Variants in SP100 observed in about 807,000 individuals in gnomAD.
SP100 encodes the protein SP100 nuclear body protein, also known as nuclear autoantigen Sp-100.
In SP100, 84 loss-of-function variants were observed where a neutral mutation model predicts 130.0. That is an observed-to-expected ratio of 0.65 (90% CI 0.54 to 0.77). SP100 has a LOEUF of 0.77. Among genes scored for constraint, SP100 ranks in the 30% least tolerant of loss-of-function variants. SP100 has a pLI of 0.00. For synonymous variants in SP100, 331 were observed against 351.7 expected (o/e 0.94, Z 0.66); for missense variants, 978 against 1,052.2 (o/e 0.93, Z 0.97).
intron 24 of SP100, among the ~76,000 whole-genome samples, chr2:230,511,589 G>A (rs1690590431): frequency 6.6e-6 from 1 of 152,178 alleles, no homozygotes. Flanking sequence ...AGCTCAGTCA[G>A]CCAGAAGGAA....
Position 230,449,717 on chromosome 2 carries a change from C to T in SP100, c.736+7C>T, listed in dbSNP as rs376620482. 25 of 1,613,956 alleles carry T rather than the reference C, an allele frequency of 1.5e-5. No homozygotes were observed. In the Admixed American group the frequency reaches 2.7e-4, roughly 17 times the overall value. On this transcript the variant is annotated splice_region_variant and intron_variant, in intron 7 of 28. Transcript: ENST00000340126. ...CAAAAGGCTGAGCCAACAGGTAAGA[C>T]TGACTGGGTTGGCATGAATGGGGAG...
chr2:230,457,079 A>G (rs1304443065), intron 8 of SP100, among the ~76,000 whole-genome samples: 3 of 152,180 alleles, frequency 2.0e-5, no homozygotes, highest in African/African-American at 7.2e-5. Context: ...CTTTCACCCT[A>G]TTTAAAGATT....
At chr2:230,504,024 T>G (rs1436613785) in intron 20 of SP100, among the ~76,000 whole-genome samples, 162 bp from the exon 21 acceptor site, 1 of 152,114 alleles carries the variant, frequency 6.6e-6, no homozygotes, top group Non-Finnish European at 1.5e-5. Flanking sequence ...TCTACAGCTA[T>G]CTAATGTGCC....
At position 230,506,782 on chromosome 2, in the gene SP100, T is replaced by TACACACAC. The variant is rs57619257; in HGVS notation, c.2013+373_2013+380dup. ...ATTTTCGGGGGAGGTAAATGTTAAA[T>TACACACAC]ACACACACACACACACACACACACA... On this transcript the variant is annotated intron_variant, in intron 22 of 28. Coordinates refer to ENST00000340126, the MANE Select transcript of SP100 (RefSeq NM_001080391.2). 70 of 181,534 alleles carry TACACACAC rather than the reference T, an allele frequency of 3.9e-4. No individual in the cohort carries two copies. In the East Asian group the frequency reaches 7.5e-3, roughly 20 times the overall value. 11.2% of individuals were successfully genotyped at this position (181,534 alleles called of 1,614,324 possible).
In SP100 at chr2:230,462,493, C is replaced by T; in HGVS notation, c.1032C>T (p.Phe344=). ...ACGTTGATGAGCCCTTAGAAGTCTT[C>T]ATCTCAGCACCGAGAAGTGAGCCTG... is the stretch of plus-strand genomic sequence containing the variant. ...STDVDEPLEV[F]ISAPRSEPVI... Residue 344 remains phenylalanine, a synonymous_variant, in exon 10 of 29, where the codon TTC becomes TTT. Transcript: ENST00000340126. 1 of 1,613,716 alleles carries T rather than the reference C, an allele frequency of 6.2e-7. No homozygotes were observed. Among genetic ancestry groups the T allele is most frequent in the Non-Finnish European group, 8.5e-7 (1 of 1,179,710 alleles).
At chr2:230,450,136 C>G in intron 7 of SP100, 36 bp from the exon 8 acceptor site, 1 of 1,471,348 alleles carries the variant, frequency 6.8e-7, no homozygotes, top group Non-Finnish European at 9.5e-7. Flanking sequence ...GAGCAAGGCT[C>G]TACTGGATCT....
At chr2:230,467,092 T>G in intron 12 of SP100, 28 bp from the exon 13 acceptor site, 1 of 1,482,422 alleles carries the variant, frequency 6.7e-7, no homozygotes, top group Non-Finnish European at 9.4e-7. Context: ...CATTGAGAGC[T>G]CCAAAGGACA....
At chr2:230,438,003 T>C (rs1249251915) in intron 2 of SP100, among the ~76,000 whole-genome samples, 1 of 152,210 alleles carries the variant, frequency 6.6e-6, no homozygotes, top group African/African-American at 2.4e-5. Context: ...ATTTGTCTCA[T>C]GATTTGTTTC....
intron 16 of SP100, 53 bp downstream of exon 16, chr2:230,473,493 C>T (rs2065376863): frequency 9.2e-7 from 1 of 1,084,186 alleles, no homozygotes. Context: ...ATATCACAGA[C>T]ACTGGGTAGG....
rs370079567 is a variant in SP100, at chr2:230,482,256, C to T, written c.1600+7809C>T. Among the ~76,000 whole-genome samples the T allele has an allele frequency of 9.2e-5, 14 of 152,252 alleles. No homozygotes were observed. In the South Asian group the frequency reaches 2.9e-3, roughly 32 times the overall value. On this transcript the variant is annotated intron_variant, in intron 17 of 28. Coordinates refer to ENST00000340126, the MANE Select transcript of SP100 (RefSeq NM_001080391.2). ...ATACTTTTCTTACTTTATTGAACAT[C>T]TTGACCAATAAAGTCAGATCCAGTG...
intron 19 of SP100, among the ~76,000 whole-genome samples, chr2:230,501,745 A>G (rs2067039761): frequency 6.6e-6 from 1 of 152,208 alleles, no homozygotes; most frequent in African/African-American, 2.4e-5. Flanking sequence ...GACCTTAAGA[A>G]AGAGCATCCA....
chr2:230,495,910 T>G (rs116483354), intron 18 of SP100, among the ~76,000 whole-genome samples: 1,839 of 152,304 alleles, frequency 0.012, 39 homozygotes, highest in African/African-American at 0.042. Flanking sequence ...TTACTTCTGA[T>G]TATTTGTCTG....
intron 10 of SP100, 87 bp downstream of exon 10, chr2:230,462,605 T>G: frequency 1.1e-6 from 1 of 942,272 alleles, no homozygotes; most frequent in Non-Finnish European, 1.7e-6. Flanking sequence ...TCTGAGCTCA[T>G]TCTGTACAAT....
At position 230,450,183 on chromosome 2, in the gene SP100, C is replaced by A. The variant is rs1054177816; in HGVS notation, c.748C>A (p.Gln250Lys). ...QKAEPTESCE[Q>K]IAVQVNNGDA... ...TCGTTTATCTCCAGAGTCCTGCGAA[C>A]AAATTGCTGTCCAAGTGAATAATGG... The change falls in exon 8 of 29, where the codon CAA (glutamine) becomes AAA (lysine). Residue 250 changes from glutamine to lysine, a missense_variant. Coordinates refer to ENST00000340126, the MANE Select transcript of SP100 (RefSeq NM_001080391.2). 5 of 1,613,240 alleles carry A rather than the reference C, an allele frequency of 3.1e-6. No individual in the cohort carries two copies. Among genetic ancestry groups the A allele is most frequent in the Non-Finnish European group, 4.2e-6 (5 of 1,179,386 alleles).
intron 8 of SP100, among the ~76,000 whole-genome samples, chr2:230,458,836 GA>G (rs2064427120): frequency 6.6e-6 from 1 of 151,266 alleles, no homozygotes; most frequent in Admixed American, 6.6e-5. Context: ...AAGTATTTTT[GA>G]AAAAAAAGTG....
chr2:230,427,743 A>G (rs937686507), intron 2 of SP100, among the ~76,000 whole-genome samples: 4 of 152,096 alleles, frequency 2.6e-5, no homozygotes, highest in African/African-American at 4.8e-5. Context: ...AGTGGTTACT[A>G]TGAGGCTTAC....
intron 17 of SP100, among the ~76,000 whole-genome samples, chr2:230,483,542 A>G (rs1278363421): frequency 6.6e-6 from 1 of 152,200 alleles, no homozygotes; most frequent in East Asian, 1.9e-4. Context: ...GCTGGGGACT[A>G]TAATCTGAAT....
intron 2 of SP100, among the ~76,000 whole-genome samples, chr2:230,442,645 T>C (rs2063515897): frequency 2.0e-5 from 3 of 152,224 alleles, no homozygotes; most frequent in African/African-American, 7.2e-5. Context: ...GGAATTTAAT[T>C]TTTATTTCAA....
intron 15 of SP100, among the ~76,000 whole-genome samples, chr2:230,470,712 C>A (rs2065225068): frequency 1.3e-5 from 2 of 152,018 alleles, no homozygotes. Context: ...GGCCAAAAAA[C>A]TAAAGAAACA....
Sources: gnomAD v4.1 joint callset for allele counts (sites outside exome capture counted in the v4.1 genomes callset) on GRCh38, gnomAD v4.1.1 for gene constraint, MANE v1.5 for transcripts, NCBI Gene and HGNC (gene_info 2026-07-23, HGNC 2026-07-21) for gene names.